METTL15: variants seen among roughly 807,000 people sequenced by gnomAD.
METTL15 encodes 12S rRNA N(4)-cytidine methyltransferase METTL15.
In METTL15, 34 loss-of-function variants were observed where a neutral mutation model predicts 38.3. The ratio of observed to expected loss-of-function variants is 0.89; its 90% CI spans 0.68 to 1.18. The LOEUF (loss-of-function observed/expected upper bound fraction) is 1.18. Among genes scored for constraint, METTL15 ranks in the 50% most tolerant of loss-of-function variants. The pLI is 0.00. For missense variants in METTL15, 438 were observed against 498.4 expected (o/e 0.88, Z 1.15); for synonymous variants, 162 against 170.9 (o/e 0.95, Z 0.41).
chr11:28,346,830 G>A (rs1358967278), intron 3 of METTL15, among the ~76,000 whole-genome samples: 1 of 152,102 alleles, frequency 6.6e-6, no homozygotes, highest in East Asian at 1.9e-4. Context: ...AGTAACTCCA[G>A]GGAAAAGAGA....
chr11:28,194,192 C>CCT (rs10696048), intron 3 of METTL15, among the ~76,000 whole-genome samples: 120,503 of 125,310 alleles, frequency 0.96, 58,025 homozygotes, highest in South Asian at 0.99. Flanking sequence ...CTCTCTCTCT[C>CCT]CTCTCTCTCT....
At chr11:28,329,187 C>T (rs1379369551) in intron 6 of METTL15, among the ~76,000 whole-genome samples, 2 of 152,074 alleles carry the variant, frequency 1.3e-5, no homozygotes, top group African/African-American at 2.4e-5. Flanking sequence ...ATCCAATTGC[C>T]TCCGCATCAT....
chr11:28,166,204 G>A (rs1850652732), intron 3 of METTL15, among the ~76,000 whole-genome samples: 2 of 152,240 alleles, frequency 1.3e-5, no homozygotes, highest in African/African-American at 2.4e-5. Flanking sequence ...GATAGAGATT[G>A]TATTGTAAAC....
intron 4 of METTL15, among the ~76,000 whole-genome samples, chr11:28,356,769 TCA>T (rs1348429303): frequency 6.6e-6 from 1 of 152,348 alleles, no homozygotes; most frequent in East Asian, 1.9e-4. Flanking sequence ...TGAAATTATT[TCA>T]CAGGTTAATA....
intron 3 of METTL15, among the ~76,000 whole-genome samples, chr11:28,199,811 C>T (rs992663764): frequency 1.3e-5 from 2 of 151,046 alleles, no homozygotes; most frequent in Non-Finnish European, 1.5e-5. Context: ...GGCATGATCT[C>T]GGCTCACTGC....
chr11:28,290,440 T>C, intron 5 of METTL15, 43 bp downstream of exon 5: 1 of 1,553,742 alleles, frequency 6.4e-7, no homozygotes, highest in Non-Finnish European at 8.7e-7. Flanking sequence ...AAGAAATCAA[T>C]TTGTCAAAAA....
chr11:28,319,090 TC>T (rs369630387), intron 6 of METTL15, among the ~76,000 whole-genome samples: 76 of 152,204 alleles, frequency 5.0e-4, no homozygotes, highest in African/African-American at 1.8e-3. Context: ...AATGCACATC[TC>T]CCCAAGGGAA....
rs531176811 is a variant in METTL15, at chr11:28,324,482, T to G, written c.779-5914T>G. ...GTGCTCCATTGCATGTACAAATAAT[T>G]GATTAATTAAGGATGTTCTCAATCA... On this transcript the variant is annotated intron_variant, in intron 6 of 6. Coordinates refer to ENST00000407364, the MANE Select transcript of METTL15 (RefSeq NM_001113528.2). Among the ~76,000 whole-genome samples, 27 of 152,272 alleles carry G rather than the reference T, an allele frequency of 1.8e-4. No homozygotes were observed. The South Asian group carries it at 5.2e-3, about 29-fold the overall frequency.
intron 6 of METTL15, 145 bp downstream of exon 6, chr11:28,297,076 G>A: frequency 2.4e-6 from 2 of 826,424 alleles, no homozygotes; most frequent in South Asian, 4.4e-5. Context: ...TTGAAATCCA[G>A]GATAGAATCT....
intron 5 of METTL15, among the ~76,000 whole-genome samples, chr11:28,397,979 A>C (rs569281526): frequency 2.4e-4 from 37 of 152,232 alleles, no homozygotes; most frequent in Non-Finnish European, 3.4e-4. Context: ...TCAGCAAACT[A>C]TCACAAGGAC....
chr11:28,292,149 A>C (rs56061140), intron 5 of METTL15, among the ~76,000 whole-genome samples: 150,498 of 151,052 alleles, frequency 1, 74,979 homozygotes, highest in Non-Finnish European at 1. Flanking sequence ...TGGTGGTGTG[A>C]TGCACCCAGT....
At chr11:28,348,530 G>T (rs1309423616) in intron 3 of METTL15, among the ~76,000 whole-genome samples, 1 of 151,930 alleles carries the variant, frequency 6.6e-6, no homozygotes, top group Non-Finnish European at 1.5e-5. Flanking sequence ...ACCATGCTTG[G>T]CTAGTTATTT....
At position 28,113,453 on chromosome 11, in the gene METTL15, A is replaced by G. The variant is rs374210103; in HGVS notation, c.119A>G (p.Tyr40Cys). The G allele has an allele frequency of 5.0e-6, 8 of 1,611,768 alleles. No individual in the cohort carries two copies. In the East Asian group the frequency reaches 1.3e-4, roughly 27 times the overall value. Residue 40 changes from tyrosine to cysteine, a missense_variant, in exon 3 of 7, where the codon TAT becomes TGT. Transcript: ENST00000407364. ...PNRIHTTAEK[Y>C]REYEAREQTD... ...AGAATACATACTACAGCAGAAAAAT[A>G]TAGAGAATATGAAGCCCGGGAGCAA...
At chr11:28,355,735 T>A (rs1287583017) in intron 4 of METTL15, among the ~76,000 whole-genome samples, 3 of 152,124 alleles carry the variant, frequency 2.0e-5, no homozygotes, top group African/African-American at 7.2e-5. Flanking sequence ...TTTAGCATTG[T>A]TGGATTTTGG....
At chr11:28,521,807 T>A (rs889604252) in intron 6 of METTL15, among the ~76,000 whole-genome samples, 6 of 152,130 alleles carry the variant, frequency 3.9e-5, no homozygotes, top group Non-Finnish European at 7.3e-5. Flanking sequence ...TTTGCCCCAC[T>A]CTTGCTGTCT....
rs192503151 is a variant in METTL15, at chr11:28,292,846, A to G, written c.599+2449A>G. Among the ~76,000 whole-genome samples, 510 of 152,312 alleles carry G rather than the reference A, an allele frequency of 3.3e-3. 6 individuals carry two copies. The highest frequency in any genetic ancestry group is 0.012 in the African/African-American group (492 of 41,574). On this transcript the variant is annotated intron_variant, in intron 5 of 6. Transcript: ENST00000407364. ...ATTTTTTCATGTGTCTTTTGGCTGC[A>G]TAACTGTCTTCTTTTGAGAAGTGTC...
At chr11:28,234,747 T>G (rs370344394) in intron 4 of METTL15, among the ~76,000 whole-genome samples, 9 of 140,594 alleles carry the variant, frequency 6.4e-5, no homozygotes, top group Admixed American at 4.3e-4. Context: ...TTCTCCCATT[T>G]TGTAGGTTGC....
intron 3 of METTL15, among the ~76,000 whole-genome samples, chr11:28,179,125 T>A (rs1375689618): frequency 6.6e-6 from 1 of 151,780 alleles, no homozygotes; most frequent in Non-Finnish European, 1.5e-5. Flanking sequence ...GGTTTGTGTG[T>A]GTATTTTGAA....
intron 5 of METTL15, among the ~76,000 whole-genome samples, chr11:28,369,179 A>G (rs1850218936): frequency 2.0e-5 from 3 of 151,852 alleles, no homozygotes; most frequent in Admixed American, 2.0e-4. Flanking sequence ...TTATTAGTGA[A>G]GTCCGACAAA....
Sources: gnomAD v4.1 joint callset for allele counts (sites outside exome capture counted in the v4.1 genomes callset) on GRCh38, gnomAD v4.1.1 for gene constraint, MANE v1.5 for transcripts, NCBI Gene and HGNC (gene_info 2026-07-23, HGNC 2026-07-21) for gene names.